CPB1: variants seen among roughly 807,000 people sequenced by gnomAD.
The protein encoded by CPB1 is carboxypeptidase B1.
CPB1 carries 53 observed loss-of-function variants against 51.4 expected under a neutral mutation model. The observed-to-expected ratio is 1.03, with a 90% confidence interval of 0.83 to 1.30. The LOEUF (loss-of-function observed/expected upper bound fraction) is 1.30, where lower values mean the gene tolerates loss of function less well. Among genes scored for constraint, CPB1 ranks in the 50% most tolerant of loss-of-function variants. The probability of loss-of-function intolerance (pLI) is 0.00; values close to 1 mark genes in which losing one functional copy is unlikely to be tolerated. For missense variants in CPB1, 494 were observed against 516.2 expected (o/e 0.96, Z 0.42); for synonymous variants, 189 against 186.9 (o/e 1.01, Z -0.09).
chr3:148,831,717 T>A (rs1712743551), intron 2 of CPB1, among the ~76,000 whole-genome samples: 1 of 152,198 alleles, frequency 6.6e-6, no homozygotes, highest in Non-Finnish European at 1.5e-5. Context: ...CTTTGTCACA[T>A]TTATAATTTT....
At chr3:148,833,214 C>A (rs1288406170) in intron 2 of CPB1, among the ~76,000 whole-genome samples, 1 of 152,132 alleles carries the variant, frequency 6.6e-6, no homozygotes, top group African/African-American at 2.4e-5. Flanking sequence ...CTTATCCAAA[C>A]ATTGATACTC....
At chr3:148,848,195 CAA>C (rs1487286446) in intron 9 of CPB1, among the ~76,000 whole-genome samples, 1 of 151,854 alleles carries the variant, frequency 6.6e-6, no homozygotes, top group East Asian at 1.9e-4. Context: ...TATGTATAGA[CAA>C]AAAAGAATAT....
chr3:148,828,918 A>T (rs903885598), intron 2 of CPB1, among the ~76,000 whole-genome samples: 9 of 152,332 alleles, frequency 5.9e-5, no homozygotes, highest in Admixed American at 5.9e-4. Context: ...AAAGAAATAT[A>T]AACTCATCTA....
intron 2 of CPB1, among the ~76,000 whole-genome samples, chr3:148,829,483 A>G (rs1344790396): frequency 6.6e-6 from 1 of 152,130 alleles, no homozygotes; most frequent in Non-Finnish European, 1.5e-5. Flanking sequence ...TTTTCCTCAC[A>G]TGAATCACCC....
chr3:148,849,672 G>C (rs1576572782), intron 9 of CPB1, among the ~76,000 whole-genome samples: 1 of 152,292 alleles, frequency 6.6e-6, no homozygotes, highest in East Asian at 1.9e-4. Flanking sequence ...TTAACAAAAT[G>C]GAAAGCAGAG....
intron 9 of CPB1, chr3:148,857,141 AG>A (rs1485170332): frequency 6.0e-6 from 1 of 166,730 alleles, no homozygotes; most frequent in African/African-American, 2.5e-5. Flanking sequence ...GCCTGCAAAC[AG>A]GTAAACAACT....
chr3:148,841,242 A>C (rs573001266), intron 5 of CPB1, among the ~76,000 whole-genome samples: 4 of 152,334 alleles, frequency 2.6e-5, no homozygotes, highest in Non-Finnish European at 4.4e-5. Flanking sequence ...AACGTAAATG[A>C]TTATCTACCT....
At chr3:148,830,568 C>G (rs1712702351) in intron 2 of CPB1, among the ~76,000 whole-genome samples, 1 of 152,150 alleles carries the variant, frequency 6.6e-6, no homozygotes. Flanking sequence ...GCTGTTACTA[C>G]TATCATTAGG....
At chr3:148,832,015 A>G (rs1280201154) in intron 2 of CPB1, among the ~76,000 whole-genome samples, 1 of 152,168 alleles carries the variant, frequency 6.6e-6, no homozygotes, top group Non-Finnish European at 1.5e-5. Context: ...TGTGTCACAC[A>G]TGCAACACTC....
rs538231185 is a variant in CPB1, at chr3:148,843,332, A to G, written c.577-1146A>G. Among the ~76,000 whole-genome samples, 5 of 152,184 alleles carry G rather than the reference A, an allele frequency of 3.3e-5. No homozygotes were observed. In the South Asian group the frequency reaches 8.3e-4, roughly 25 times the overall value. ...CTTCTGTACGTCTAAAATTATTTCA[A>G]ATTTAAAAGTTGAAAACATTGAAGT... On this transcript the variant is annotated intron_variant, in intron 6 of 10. Transcript: ENST00000282957.
At chr3:148,830,897 A>T (rs1017274568) in intron 2 of CPB1, among the ~76,000 whole-genome samples, 1 of 152,202 alleles carries the variant, frequency 6.6e-6, no homozygotes, top group Non-Finnish European at 1.5e-5. Context: ...TATTTTCAAC[A>T]TGATTGAAAT....
chr3:148,839,080 A>G (rs1358053018), intron 3 of CPB1, among the ~76,000 whole-genome samples: 3 of 152,238 alleles, frequency 2.0e-5, no homozygotes, highest in Non-Finnish European at 4.4e-5. Flanking sequence ...ATGTTAAAAT[A>G]GGGAGATTAT....
chr3:148,831,628 C>T (rs948668129), intron 2 of CPB1, among the ~76,000 whole-genome samples: 2 of 152,044 alleles, frequency 1.3e-5, no homozygotes, highest in Admixed American at 6.6e-5. Context: ...GTTAGGCAGC[C>T]GGCTGATTAA....
At chr3:148,856,287 T>G (rs1713565147) in intron 9 of CPB1, 1 of 152,232 alleles carries the variant, frequency 6.6e-6, no homozygotes, top group African/African-American at 2.4e-5. Context: ...AATAACTCTT[T>G]TTAAGTTTTC....
chr3:148,839,451 G>C (rs1713008210), intron 3 of CPB1, among the ~76,000 whole-genome samples: 1 of 152,154 alleles, frequency 6.6e-6, no homozygotes, highest in Admixed American at 6.5e-5. Flanking sequence ...CACTCACAAA[G>C]CATTGGCAGC....
intron 6 of CPB1, among the ~76,000 whole-genome samples, chr3:148,842,574 C>A (rs1713116660): frequency 6.6e-6 from 1 of 152,138 alleles, no homozygotes; most frequent in Non-Finnish European, 1.5e-5. Flanking sequence ...CTCCTTCTTG[C>A]AGAAGAATTA....
intron 9 of CPB1, among the ~76,000 whole-genome samples, chr3:148,846,797 G>GTGTGTGTGTATATA (rs1364486523): frequency 5.9e-5 from 3 of 50,560 alleles, no homozygotes; most frequent in Non-Finnish European, 8.5e-5. Flanking sequence ...GTGTGCGTGT[G>GTGTGTGTGTATATA]TATATATATA....
intron 2 of CPB1, 152 bp from the exon 3 acceptor site, chr3:148,834,346 A>T (rs1712828421): frequency 1.4e-6 from 1 of 723,392 alleles, no homozygotes; most frequent in Admixed American, 2.7e-5. Context: ...GCTTGGTTCC[A>T]ACCCTTGTTC....
At chr3:148,850,550 C>T (rs1316463664) in intron 9 of CPB1, among the ~76,000 whole-genome samples, 2 of 152,162 alleles carry the variant, frequency 1.3e-5, no homozygotes, top group Non-Finnish European at 1.5e-5. Context: ...GATCCGCCTG[C>T]CTCAGCCTCC....
Sources: allele counts gnomAD v4.1 joint callset (sites outside exome capture counted in the v4.1 genomes callset), GRCh38; gene constraint gnomAD v4.1.1; transcripts MANE v1.5; gene names NCBI Gene and HGNC (gene_info 2026-07-23, HGNC 2026-07-21).